Variants in ADAMTSL1 observed in about 807,000 individuals in gnomAD.
ADAMTSL1 encodes the protein ADAMTS-like protein 1.
A neutral mutation model predicts 201.8 loss-of-function variants in ADAMTSL1; 126 were observed. The observed-to-expected ratio is 0.62, with a 90% confidence interval of 0.54 to 0.72. The LOEUF (loss-of-function observed/expected upper bound fraction) is 0.72. Ranked by LOEUF, ADAMTSL1 falls within the 30% of genes least tolerant of loss-of-function variation. The probability of loss-of-function intolerance (pLI) is 0.00; values close to 1 mark genes in which losing one functional copy is unlikely to be tolerated. For missense variants in ADAMTSL1, 2,679 were observed against 2,277.8 expected (o/e 1.18, Z -3.59); for synonymous variants, 1,121 against 903.4 (o/e 1.24, Z -4.32).
intron 2 of ADAMTSL1, among the ~76,000 whole-genome samples, chr9:18,448,482 C>T (rs975260207): frequency 5.3e-5 from 8 of 152,096 alleles, no homozygotes; most frequent in African/African-American, 1.9e-4. Flanking sequence ...CTTTTAAACC[C>T]CTAAAAGAAT....
At chr9:18,033,226 C>T (rs185946998) in intron 1 of ADAMTSL1, among the ~76,000 whole-genome samples, 161 of 152,144 alleles carry the variant, frequency 1.1e-3, no homozygotes, top group Middle Eastern at 6.8e-3. Context: ...TCTTATGGTA[C>T]CACTTTAATA....
chr9:18,428,549 G>A (rs1417912499), intron 2 of ADAMTSL1, among the ~76,000 whole-genome samples: 3 of 152,080 alleles, frequency 2.0e-5, no homozygotes, highest in African/African-American at 7.2e-5. Flanking sequence ...GAGTCCAGGA[G>A]TTCAAGGCTA....
At chr9:18,217,349 G>A (rs780230816) in intron 2 of ADAMTSL1, among the ~76,000 whole-genome samples, 1 of 152,106 alleles carries the variant, frequency 6.6e-6, no homozygotes, top group Non-Finnish European at 1.5e-5. Flanking sequence ...CTGCATCACT[G>A]TTGCTTCCCA....
chr9:18,193,532 T>A (rs1829054426), intron 2 of ADAMTSL1, among the ~76,000 whole-genome samples: 1 of 152,144 alleles, frequency 6.6e-6, no homozygotes, highest in African/African-American at 2.4e-5. Flanking sequence ...CCACTCTTTT[T>A]CCTTTATCTA....
chr9:18,663,978 T>C (rs1313555824), intron 9 of ADAMTSL1, among the ~76,000 whole-genome samples: 1 of 152,074 alleles, frequency 6.6e-6, no homozygotes, highest in Non-Finnish European at 1.5e-5. Flanking sequence ...TTAAAACATT[T>C]ATTACAGCAC....
At chr9:17,938,427 C>T (rs900911372) in intron 1 of ADAMTSL1, among the ~76,000 whole-genome samples, 10 of 152,098 alleles carry the variant, frequency 6.6e-5, no homozygotes, top group South Asian at 2.1e-4. Context: ...GGTACTATGC[C>T]GGGCATCTTT....
At chr9:18,594,104 C>G (rs1824101092) in intron 4 of ADAMTSL1, among the ~76,000 whole-genome samples, 1 of 151,946 alleles carries the variant, frequency 6.6e-6, no homozygotes, top group African/African-American at 2.4e-5. Context: ...CTTTAGTTCT[C>G]TTTCATTTCT....
chr9:18,357,851 T>C (rs1161302568), intron 2 of ADAMTSL1, among the ~76,000 whole-genome samples: 1 of 152,204 alleles, frequency 6.6e-6, no homozygotes, highest in Non-Finnish European at 1.5e-5. Flanking sequence ...ATGATACTGC[T>C]ATCGTTTTAG....
chr9:18,622,853 GT>G lies in ADAMTSL1; in HGVS notation c.601+488del, dbSNP rs1016862062. ...TAATGTAGGGCAGTGATTACGTGAC[GT>G]TTTGGATTTTTGGTTTTTGAGTTTT... is the stretch of plus-strand genomic sequence containing the variant. On this transcript the variant is annotated intron_variant, in intron 5 of 28. Transcript: ENST00000380548. 2.2e-4 allele frequency among the ~76,000 whole-genome samples: 34 copies of G among 152,100 alleles called. 1 individual carries two copies. The highest frequency in any genetic ancestry group is 7.7e-4 in the African/African-American group (32 of 41,428).
chr9:18,902,086 G>GC (rs1830046904), intron 26 of ADAMTSL1, among the ~76,000 whole-genome samples: 1 of 152,276 alleles, frequency 6.6e-6, no homozygotes, highest in South Asian at 2.1e-4. Context: ...AAACATGCAT[G>GC]CACCAAACAT....
intron 1 of ADAMTSL1, among the ~76,000 whole-genome samples, chr9:18,027,107 TA>T (rs1470184526): frequency 6.6e-6 from 1 of 151,458 alleles, no homozygotes. Flanking sequence ...TTTTTTTTTT[TA>T]ATTTGTTAAT....
At chr9:18,003,784 CT>C (rs1819706821) in intron 1 of ADAMTSL1, among the ~76,000 whole-genome samples, 1 of 152,032 alleles carries the variant, frequency 6.6e-6, no homozygotes, top group Non-Finnish European at 1.5e-5. Flanking sequence ...ACGAATGAGC[CT>C]TCTGTGCAGT....
At position 18,776,989 on chromosome 9, in the gene ADAMTSL1, C is replaced by G. The variant is rs373432746; in HGVS notation, c.2760C>G (p.Ser920Arg). ...AGAAGGACGGCCAGCACCTCATCAGCTCGACGCACGTCACGGTGGCCCCCT... is the reference window on the plus strand; with the variant it reads ...AGAAGGACGGCCAGCACCTCATCAGGTCGACGCACGTCACGGTGGCCCCCT... ...TWEKDGQHLISSTHVTVAPFG... is the reference protein window; with the variant it reads ...TWEKDGQHLIRSTHVTVAPFG... The change falls in exon 19 of 29, where the codon AGC (serine) becomes AGG (arginine). Residue 920 changes from serine (S) to arginine (R), a missense_variant. Ser to Arg is a moderately radical substitution (Grantham distance 110, BLOSUM62 -1). Transcript: ENST00000380548. 3.1e-6 allele frequency: 5 copies of G among 1,600,296 alleles called. No individual in the cohort carries two copies. The African/African-American group carries it at 6.7e-5, about 21-fold the overall frequency.
chr9:18,232,126 T>A (rs879934054), intron 2 of ADAMTSL1, among the ~76,000 whole-genome samples: 7 of 152,128 alleles, frequency 4.6e-5, no homozygotes, highest in Non-Finnish European at 8.8e-5. Context: ...GGAGCCCATC[T>A]CCTATTTACG....
At chr9:18,515,629 G>A (rs1156477789) in intron 2 of ADAMTSL1, among the ~76,000 whole-genome samples, 1 of 152,086 alleles carries the variant, frequency 6.6e-6, no homozygotes, top group Non-Finnish European at 1.5e-5. Flanking sequence ...GCTACCACAG[G>A]ATTTTCTGAT....
At chr9:18,556,207 C>G (rs1482896288) in intron 3 of ADAMTSL1, among the ~76,000 whole-genome samples, 1 of 151,826 alleles carries the variant, frequency 6.6e-6, no homozygotes, top group African/African-American at 2.4e-5. Flanking sequence ...ATTATCTGCC[C>G]CTCTGCCTGT....
intron 1 of ADAMTSL1, among the ~76,000 whole-genome samples, chr9:17,908,831 T>C (rs913085021): frequency 1.3e-5 from 2 of 152,198 alleles, no homozygotes; most frequent in East Asian, 1.9e-4. Context: ...TTTGGGTATA[T>C]ACCCAGTAAT....
At chr9:18,213,364 C>A (rs1829949995) in intron 2 of ADAMTSL1, among the ~76,000 whole-genome samples, 1 of 152,102 alleles carries the variant, frequency 6.6e-6, no homozygotes, top group Non-Finnish European at 1.5e-5. Flanking sequence ...GTGTTGGTAT[C>A]CTTCGGAGAA....
chr9:18,164,557 G>A (rs1320112893), intron 2 of ADAMTSL1, among the ~76,000 whole-genome samples: 2 of 151,606 alleles, frequency 1.3e-5, no homozygotes, highest in Non-Finnish European at 2.9e-5. Flanking sequence ...GAATCAAACT[G>A]TGATTTGTAA....
Sources: allele counts gnomAD v4.1 joint callset (sites outside exome capture counted in the v4.1 genomes callset), GRCh38; gene constraint gnomAD v4.1.1; transcripts MANE v1.5; gene names NCBI Gene and HGNC (gene_info 2026-07-23, HGNC 2026-07-21).